PRKCB: variants seen among roughly 807,000 people sequenced by gnomAD.
The protein encoded by PRKCB is protein kinase C beta.
Under a neutral mutation model 81.5 loss-of-function variants are expected in PRKCB, and 13 were observed. The ratio of observed to expected loss-of-function variants is 0.16; its 90% CI spans 0.10 to 0.25. PRKCB has a LOEUF of 0.25. Ranked by LOEUF, PRKCB falls within the 10% of genes least tolerant of loss-of-function variation. The pLI, the probability that PRKCB is intolerant of heterozygous loss-of-function variation, is 1.00. For missense variants in PRKCB, 509 were observed against 875.7 expected (o/e 0.58, Z 5.29); for synonymous variants, 335 against 321.4 (o/e 1.04, Z -0.45).
chr16:23,985,082 T>TG (rs1006058394), intron 2 of PRKCB, among the ~76,000 whole-genome samples: 4 of 152,068 alleles, frequency 2.6e-5, no homozygotes, highest in African/African-American at 9.7e-5. Flanking sequence ...TTCCTATTGT[T>TG]TTTGTTTGTT....
chr16:23,911,742 C>T (rs149403258), intron 2 of PRKCB, among the ~76,000 whole-genome samples: 10 of 152,018 alleles, frequency 6.6e-5, no homozygotes, highest in African/African-American at 9.6e-5. Context: ...AGTGCAGCCA[C>T]GCTGGCCTCT....
In PRKCB at chr16:24,217,953, T is replaced by G. The variant is rs1209861166; in HGVS notation, c.*3137T>G. The G allele has an allele frequency of 1.0e-6, 1 of 985,264 alleles. No homozygotes were observed. The highest frequency in any genetic ancestry group is 1.2e-6 in the Non-Finnish European group (1 of 829,932). 61.0% of individuals were successfully genotyped at this position (985,264 alleles called of 1,614,324 possible). On this transcript the variant is annotated 3_prime_UTR_variant, in exon 17 of 17. Transcript: ENST00000643927. The stretch of plus-strand genomic sequence containing the variant: ...TGGGAATCAATTCCATTGTTTTGCC[T>G]CAGAGTAAAGTTTCTGGCTCGGGGA...
At chr16:24,190,996 T>G in intron 15 of PRKCB, 94 bp from the exon 16 acceptor site, 3 of 1,418,036 alleles carry the variant, frequency 2.1e-6, no homozygotes, top group Non-Finnish European at 2.9e-6. Flanking sequence ...TCATTTGCGC[T>G]TTCTTTCCTA....
intron 2 of PRKCB, among the ~76,000 whole-genome samples, chr16:23,982,131 T>TC (rs1410554120): frequency 0.034 from 1,201 of 35,134 alleles, 2 homozygotes; most frequent in South Asian, 0.051. Flanking sequence ...CCCCTTCCCT[T>TC]CCCTTTCCCT....
intron 2 of PRKCB, among the ~76,000 whole-genome samples, chr16:23,873,515 C>T (rs1962947499): frequency 6.6e-6 from 1 of 152,200 alleles, no homozygotes; most frequent in Admixed American, 6.5e-5. Flanking sequence ...TGACTTTCTC[C>T]TTTTTCTGTT....
chr16:23,899,566 A>AG (rs1567306669), intron 2 of PRKCB, among the ~76,000 whole-genome samples: 1 of 87,588 alleles, frequency 1.1e-5, no homozygotes, highest in Non-Finnish European at 2.8e-5. Context: ...AGCTTTGTAA[A>AG]TTACTTTTGT....
chr16:23,948,801 C>T (rs186016445), intron 2 of PRKCB, among the ~76,000 whole-genome samples: 1 of 152,274 alleles, frequency 6.6e-6, no homozygotes, highest in Non-Finnish European at 1.5e-5. Flanking sequence ...AACTAACTTG[C>T]TCAAGGTTCC....
At chr16:24,072,086 T>C (rs1488974529) in intron 5 of PRKCB, among the ~76,000 whole-genome samples, 1 of 148,150 alleles carries the variant, frequency 6.7e-6, no homozygotes, top group Non-Finnish European at 1.5e-5. Flanking sequence ...TTCACATGAC[T>C]TAAAATGATC....
chr16:24,164,842 C>G (rs1967318571), intron 10 of PRKCB, among the ~76,000 whole-genome samples: 1 of 152,034 alleles, frequency 6.6e-6, no homozygotes, highest in African/African-American at 2.4e-5. Flanking sequence ...TCAAAAAACA[C>G]TGAGTGTGGT....
intron 2 of PRKCB, among the ~76,000 whole-genome samples, chr16:23,986,792 G>A (rs529660660): frequency 1.3e-5 from 2 of 152,054 alleles, no homozygotes; most frequent in African/African-American, 2.4e-5. Context: ...AGTAACATTA[G>A]TATAATGCAT....
chr16:23,851,882 A>G (rs1343254437), intron 2 of PRKCB, among the ~76,000 whole-genome samples: 3 of 152,056 alleles, frequency 2.0e-5, no homozygotes, highest in Non-Finnish European at 4.4e-5. Flanking sequence ...CTGGTCTGGT[A>G]GTTTGTTATT....
chr16:23,847,221 G>C (rs1962384879), intron 2 of PRKCB, among the ~76,000 whole-genome samples: 1 of 151,868 alleles, frequency 6.6e-6, no homozygotes, highest in Admixed American at 6.6e-5. Context: ...TATCAAATTG[G>C]GCTTGAGAGT....
chr16:24,064,271 G>C (rs184670064), intron 5 of PRKCB, among the ~76,000 whole-genome samples: 48 of 152,020 alleles, frequency 3.2e-4, no homozygotes, highest in African/African-American at 1.2e-3. Flanking sequence ...TGATTTTTCA[G>C]CCTATCTTCT....
chr16:24,083,333 C>T (rs1473116495), intron 5 of PRKCB, among the ~76,000 whole-genome samples: 4 of 152,144 alleles, frequency 2.6e-5, no homozygotes, highest in South Asian at 2.1e-4. Flanking sequence ...TGATCCCACT[C>T]CTAGTTATTT....
At chr16:23,966,541 GATT>G (rs1377357794) in intron 2 of PRKCB, among the ~76,000 whole-genome samples, 4 of 152,098 alleles carry the variant, frequency 2.6e-5, no homozygotes, top group Non-Finnish European at 4.4e-5. Context: ...TTCTATAAGT[GATT>G]ATTATTATTA....
At chr16:23,930,517 C>A (rs964527484) in intron 2 of PRKCB, among the ~76,000 whole-genome samples, 4 of 152,016 alleles carry the variant, frequency 2.6e-5, no homozygotes, top group Non-Finnish European at 5.9e-5. Context: ...TTCAGTGAAC[C>A]ATGTTCATGC....
intron 1 of PRKCB, among the ~76,000 whole-genome samples, chr16:23,836,888 GC>G (rs1313569437): frequency 6.6e-6 from 1 of 151,860 alleles, no homozygotes; most frequent in Non-Finnish European, 1.5e-5. Context: ...CTCCCCGAGG[GC>G]CTGGGTTCCC....
At chr16:24,004,736 A>G (rs1471387538) in intron 3 of PRKCB, among the ~76,000 whole-genome samples, 2 of 152,210 alleles carry the variant, frequency 1.3e-5, no homozygotes, top group Non-Finnish European at 2.9e-5. Context: ...GTGGCAAATT[A>G]GTATATGTTT....
At chr16:23,900,849 G>A (rs1379590467) in intron 2 of PRKCB, among the ~76,000 whole-genome samples, 1 of 148,590 alleles carries the variant, frequency 6.7e-6, no homozygotes, top group Non-Finnish European at 1.5e-5. Context: ...ACCTAACTGT[G>A]GACACACATG....
Sources: gnomAD v4.1 joint callset for allele counts (sites outside exome capture counted in the v4.1 genomes callset) on GRCh38, gnomAD v4.1.1 for gene constraint, MANE v1.5 for transcripts, NCBI Gene and HGNC (gene_info 2026-07-23, HGNC 2026-07-21) for gene names.